RUNX2: variants seen among roughly 807,000 people sequenced by gnomAD.
RUNX2 encodes the protein runt-related transcription factor 2.
RUNX2 carries 10 observed loss-of-function variants against 51.7 expected under a neutral mutation model. That is an observed-to-expected ratio of 0.19 (90% CI 0.12 to 0.33). The LOEUF is 0.33. Ranked by LOEUF, RUNX2 falls within the 10% of genes least tolerant of loss-of-function variation. The probability of loss-of-function intolerance (pLI) is 1.00; values close to 1 mark genes in which losing one functional copy is unlikely to be tolerated. For missense variants in RUNX2, 562 were observed against 691.3 expected (o/e 0.81, Z 2.10); for synonymous variants, 276 against 273.6 (o/e 1.01, Z -0.09).
In RUNX2 at chr6:45,534,358, T is replaced by C. The variant is rs141617201; in HGVS notation, c.1022-10859T>C. Among the ~76,000 whole-genome samples, 43 of 152,292 alleles carry C rather than the reference T, an allele frequency of 2.8e-4. No individual in the cohort carries two copies. The South Asian group carries it at 8.3e-3, about 29-fold the overall frequency. ...GCCTTCTTTCTCTGATGAAGCTTCC[T>C]TATCAATGGGTGCCTATCCTGACTA... On this transcript the variant is annotated intron_variant, in intron 7 of 8. Coordinates refer to ENST00000647337, the MANE Select transcript of RUNX2 (RefSeq NM_001024630.4).
At chr6:45,405,433 G>T (rs564933463) in intron 2 of RUNX2, among the ~76,000 whole-genome samples, 1 of 152,164 alleles carries the variant, frequency 6.6e-6, no homozygotes, top group Non-Finnish European at 1.5e-5. Flanking sequence ...AGCTACTAAA[G>T]CCAGTTGTGC....
intron 5 of RUNX2, among the ~76,000 whole-genome samples, chr6:45,444,982 G>T (rs1303405303): frequency 6.6e-6 from 1 of 152,110 alleles, no homozygotes; most frequent in Non-Finnish European, 1.5e-5. Flanking sequence ...TATGCCAAAG[G>T]CTAGCCCATG....
chr6:45,403,875 G>A (rs991613841), intron 2 of RUNX2, among the ~76,000 whole-genome samples: 1 of 152,140 alleles, frequency 6.6e-6, no homozygotes, highest in Admixed American at 6.5e-5. Flanking sequence ...GGGAAGAATA[G>A]GGAGCCAGTT....
At chr6:45,411,341 G>A (rs914550151) in intron 2 of RUNX2, among the ~76,000 whole-genome samples, 1 of 152,136 alleles carries the variant, frequency 6.6e-6, no homozygotes, top group Non-Finnish European at 1.5e-5. Context: ...TCAGTGACAA[G>A]TGCAAAGCAA....
intron 7 of RUNX2, among the ~76,000 whole-genome samples, chr6:45,517,236 C>A (rs1042944755): frequency 7.9e-5 from 12 of 151,958 alleles, no homozygotes; most frequent in Non-Finnish European, 1.6e-4. Flanking sequence ...GGATGGGATG[C>A]AGAGGCGTGA....
intron 2 of RUNX2, among the ~76,000 whole-genome samples, chr6:45,366,132 A>G (rs1451423452): frequency 6.6e-6 from 1 of 152,196 alleles, no homozygotes; most frequent in African/African-American, 2.4e-5. Context: ...TTATTATTTC[A>G]TATGCTTGCA....
In RUNX2 at chr6:45,455,422, A is replaced by C. The variant is rs539807065; in HGVS notation, c.685+17371A>C. On this transcript the variant is annotated intron_variant, in intron 5 of 8. Coordinates refer to ENST00000647337, the MANE Select transcript of RUNX2 (RefSeq NM_001024630.4). Reference sequence around the variant, plus strand: ...TTGGTAATTAAAAGAAGGTAATTTTAGGAAAGAAAATCAGCTTTAATAACG... The same window carrying C: ...TTGGTAATTAAAAGAAGGTAATTTTCGGAAAGAAAATCAGCTTTAATAACG... Among the ~76,000 whole-genome samples, 3 of 152,302 alleles carry C rather than the reference A, an allele frequency of 2.0e-5. No homozygotes were observed. In the South Asian group the frequency reaches 6.2e-4, roughly 32 times the overall value.
chr6:45,466,674 G>A (rs1041052081), intron 5 of RUNX2, among the ~76,000 whole-genome samples: 13 of 152,206 alleles, frequency 8.5e-5, no homozygotes, highest in Admixed American at 7.2e-4. Context: ...GTAGGAGTAC[G>A]TAATTTATCT....
chr6:45,403,356 C>G (rs1397004667), intron 2 of RUNX2, among the ~76,000 whole-genome samples: 1 of 151,760 alleles, frequency 6.6e-6, no homozygotes, highest in Non-Finnish European at 1.5e-5. Context: ...GCCTCAGCCT[C>G]CCAAGTAGCT....
intron 5 of RUNX2, among the ~76,000 whole-genome samples, chr6:45,470,466 G>A (rs1582145188): frequency 6.6e-6 from 1 of 152,164 alleles, no homozygotes; most frequent in Non-Finnish European, 1.5e-5. Context: ...AGGATTTTAC[G>A]TAGAACTGGG....
At chr6:45,400,820 C>A (rs2207783) in intron 2 of RUNX2, among the ~76,000 whole-genome samples, 8 of 152,216 alleles carry the variant, frequency 5.3e-5, no homozygotes, top group Middle Eastern at 3.4e-3. Flanking sequence ...AAACAAACAA[C>A]GTAAATTGAA....
chr6:45,411,660 C>T (rs1797953693), intron 2 of RUNX2, among the ~76,000 whole-genome samples: 1 of 151,836 alleles, frequency 6.6e-6, no homozygotes, highest in South Asian at 2.1e-4. Context: ...TTTGTATGAA[C>T]CAATACCATC....
intron 4 of RUNX2, among the ~76,000 whole-genome samples, chr6:45,434,641 G>T (rs767591659): frequency 4.6e-5 from 7 of 152,104 alleles, no homozygotes; most frequent in Middle Eastern, 3.4e-3. Context: ...GTTTTTCATG[G>T]TTTTTCCTTT....
chr6:45,511,787 C>A (rs1453835201), intron 6 of RUNX2, among the ~76,000 whole-genome samples: 1 of 152,224 alleles, frequency 6.6e-6, no homozygotes, highest in Non-Finnish European at 1.5e-5. Context: ...GCTGGATATG[C>A]AGCAGCGAAA....
intron 2 of RUNX2, among the ~76,000 whole-genome samples, chr6:45,351,395 T>A: frequency 1.3e-5 from 2 of 151,192 alleles, no homozygotes; most frequent in South Asian, 2.1e-4. Flanking sequence ...TTTAAAACAA[T>A]CCCCATAATC....
intron 2 of RUNX2, among the ~76,000 whole-genome samples, chr6:45,357,552 C>T (rs1472669840): frequency 6.6e-6 from 1 of 152,058 alleles, no homozygotes; most frequent in African/African-American, 2.4e-5. Flanking sequence ...TCTCAAAACT[C>T]CTGGCCTCAA....
intron 5 of RUNX2, among the ~76,000 whole-genome samples, chr6:45,470,986 CA>C (rs747647588): frequency 2.0e-5 from 3 of 152,130 alleles, no homozygotes; most frequent in Non-Finnish European, 4.4e-5. Flanking sequence ...TGAGATTTGA[CA>C]AAAGCTTACA....
At chr6:45,340,404 A>C (rs1789518570) in intron 2 of RUNX2, among the ~76,000 whole-genome samples, 1 of 152,080 alleles carries the variant, frequency 6.6e-6, no homozygotes, top group African/African-American at 2.4e-5. Flanking sequence ...GCTCACTGCA[A>C]CTTTGACCTC....
chr6:45,511,939 T>C (rs902476115), intron 6 of RUNX2, among the ~76,000 whole-genome samples: 3 of 152,138 alleles, frequency 2.0e-5, no homozygotes, highest in African/African-American at 7.2e-5. Context: ...CCAAAGCAGA[T>C]TGTTTTCTAA....
Sources: allele counts gnomAD v4.1 joint callset (sites outside exome capture counted in the v4.1 genomes callset), GRCh38; gene constraint gnomAD v4.1.1; transcripts MANE v1.5; gene names NCBI Gene and HGNC (gene_info 2026-07-23, HGNC 2026-07-21).